GPC5: variants seen among roughly 807,000 people sequenced by gnomAD.
GPC5 encodes the protein glypican 5.
In GPC5, 47 loss-of-function variants were observed where a neutral mutation model predicts 53.9. The observed-to-expected ratio is 0.87, with a 90% confidence interval of 0.69 to 1.11. The LOEUF (loss-of-function observed/expected upper bound fraction) is 1.11, where lower values mean the gene tolerates loss of function less well. Among genes scored for constraint, GPC5 ranks in the 50% most tolerant of loss-of-function variants. GPC5 has a pLI of 0.00. For missense variants in GPC5, 748 were observed against 713.1 expected, an observed-to-expected ratio of 1.05 and a Z score of -0.56; for synonymous variants, 286 against 263.3, an observed-to-expected ratio of 1.09 and a Z score of -0.84.
intron 5 of GPC5, among the ~76,000 whole-genome samples, chr13:91,798,547 C>G (rs1269673067): frequency 6.6e-6 from 1 of 152,138 alleles, no homozygotes; most frequent in African/African-American, 2.4e-5. Context: ...CTGCATAGTA[C>G]TCCATGATGT....
At chr13:92,136,543 A>T (rs114571103) in intron 6 of GPC5, among the ~76,000 whole-genome samples, 1,529 of 152,290 alleles carry the variant, frequency 0.01, 30 homozygotes, top group African/African-American at 0.033. Flanking sequence ...CCATGTTTAC[A>T]TTTGAATGGG....
intron 1 of GPC5, among the ~76,000 whole-genome samples, chr13:91,418,916 C>G: frequency 6.6e-6 from 1 of 151,914 alleles, no homozygotes. Context: ...TAAGATATTT[C>G]TGATGCATCT....
rs181854198 is a variant in GPC5, at chr13:92,730,174, C to A, written c.1562-136108C>A. Among the ~76,000 whole-genome samples, 331 of 151,450 alleles carry A rather than the reference C, an allele frequency of 2.2e-3. 2 individuals carry two copies. Among genetic ancestry groups the A allele is most frequent in the African/African-American group, 7.7e-3 (319 of 41,432 alleles). Reference sequence around the variant, plus strand: ...AATATTTTCCTAAATGGACATCATACTTATTACACTTGTATTTTTTAATAG... The same window carrying A: ...AATATTTTCCTAAATGGACATCATAATTATTACACTTGTATTTTTTAATAG... On this transcript the variant is annotated intron_variant, in intron 7 of 7. Transcript: ENST00000377067.
At chr13:91,790,763 C>A (rs1462915688) in intron 5 of GPC5, among the ~76,000 whole-genome samples, 2 of 152,196 alleles carry the variant, frequency 1.3e-5, no homozygotes, top group African/African-American at 4.8e-5. Context: ...TTTGTGGTAG[C>A]AAGCTGGTTT....
At chr13:91,932,036 A>G (rs1594671403) in intron 6 of GPC5, among the ~76,000 whole-genome samples, 1 of 152,024 alleles carries the variant, frequency 6.6e-6, no homozygotes, top group East Asian at 1.9e-4. Context: ...TGTGTCAATT[A>G]AAAATTAAAG....
intron 7 of GPC5, among the ~76,000 whole-genome samples, chr13:92,477,422 A>T (rs1879192845): frequency 1.3e-5 from 2 of 152,132 alleles, no homozygotes; most frequent in Admixed American, 1.3e-4. Flanking sequence ...CCAGGCATGT[A>T]TCTGCAGGAC....
chr13:92,704,753 T>A (rs2139257443), intron 7 of GPC5, among the ~76,000 whole-genome samples: 1 of 151,770 alleles, frequency 6.6e-6, no homozygotes, highest in South Asian at 2.1e-4. Context: ...TAATAAGAGT[T>A]CTGTATATTT....
intron 2 of GPC5, among the ~76,000 whole-genome samples, chr13:91,522,784 T>C (rs1232811523): frequency 2.6e-5 from 4 of 152,166 alleles, no homozygotes; most frequent in Non-Finnish European, 4.4e-5. Flanking sequence ...TCTGTCCTTG[T>C]GATAGTTTGC....
chr13:92,363,355 C>T (rs763899231), intron 7 of GPC5, among the ~76,000 whole-genome samples: 5 of 151,518 alleles, frequency 3.3e-5, no homozygotes, highest in African/African-American at 7.3e-5. Context: ...CACCAGGGAC[C>T]GGTTTTGTGG....
intron 7 of GPC5, among the ~76,000 whole-genome samples, chr13:92,151,281 T>C (rs992027249): frequency 6.6e-6 from 1 of 152,118 alleles, no homozygotes. Flanking sequence ...GGGACTCTGC[T>C]TACAAAGTAG....
intron 6 of GPC5, among the ~76,000 whole-genome samples, chr13:92,027,076 T>G (rs1566400953): frequency 6.6e-6 from 1 of 152,212 alleles, no homozygotes; most frequent in Non-Finnish European, 1.5e-5. Context: ...TGAATTAAAT[T>G]GTAAAACAAG....
intron 5 of GPC5, among the ~76,000 whole-genome samples, chr13:91,779,264 T>C (rs1243066123): frequency 6.6e-6 from 1 of 152,256 alleles, no homozygotes; most frequent in Admixed American, 6.5e-5. Context: ...TTTGAGTCTT[T>C]TGTAATAACA....
At chr13:91,435,564 G>A (rs533586871) in intron 1 of GPC5, among the ~76,000 whole-genome samples, 1 of 152,314 alleles carries the variant, frequency 6.6e-6, no homozygotes, top group East Asian at 1.9e-4. Flanking sequence ...TAAGCTTTTT[G>A]ATATGCTGCT....
At chr13:91,828,856 A>G (rs2038614247) in intron 5 of GPC5, among the ~76,000 whole-genome samples, 1 of 152,084 alleles carries the variant, frequency 6.6e-6, no homozygotes, top group Non-Finnish European at 1.5e-5. Flanking sequence ...AAAAATGTAC[A>G]AAAAAGAAGA....
intron 7 of GPC5, among the ~76,000 whole-genome samples, chr13:92,753,335 A>G (rs1874678998): frequency 6.6e-6 from 1 of 152,168 alleles, no homozygotes; most frequent in South Asian, 2.1e-4. Context: ...TCTGTACATC[A>G]CCATCATCAA....
chr13:92,724,918 G>GA (rs1297605688), intron 7 of GPC5, among the ~76,000 whole-genome samples: 1 of 119,136 alleles, frequency 8.4e-6, no homozygotes, highest in East Asian at 2.3e-4. Context: ...ACACAAGAAA[G>GA]AAAAAACAAG....
intron 5 of GPC5, among the ~76,000 whole-genome samples, chr13:91,801,423 A>G (rs557070007): frequency 2.0e-5 from 3 of 152,274 alleles, no homozygotes; most frequent in East Asian, 3.9e-4. Flanking sequence ...TTTTACAAGC[A>G]TTCATAATTT....
chr13:91,863,277 T>G (rs1048598301), intron 5 of GPC5, among the ~76,000 whole-genome samples: 1 of 152,188 alleles, frequency 6.6e-6, no homozygotes, highest in Non-Finnish European at 1.5e-5. Context: ...TTTGACAGGT[T>G]GATCATGGTT....
At chr13:92,443,416 G>A (rs1347624025) in intron 7 of GPC5, among the ~76,000 whole-genome samples, 2 of 152,118 alleles carry the variant, frequency 1.3e-5, no homozygotes, top group Non-Finnish European at 2.9e-5. Flanking sequence ...ATAATTGGTG[G>A]TTTAGGATAA....
Sources: allele counts gnomAD v4.1 joint callset (sites outside exome capture counted in the v4.1 genomes callset), GRCh38; gene constraint gnomAD v4.1.1; transcripts MANE v1.5; gene names NCBI Gene and HGNC (gene_info 2026-07-23, HGNC 2026-07-21).